ZNF536: variants seen among roughly 807,000 people sequenced by gnomAD.
The protein encoded by ZNF536 is zinc finger protein 536.
ZNF536 carries 13 observed loss-of-function variants against 84.5 expected under a neutral mutation model. The observed-to-expected ratio is 0.15, with a 90% CI of 0.10 to 0.24. The LOEUF is 0.24. Ranked by LOEUF, ZNF536 falls within the 10% of genes least tolerant of loss-of-function variation. The pLI, the probability that ZNF536 is intolerant of heterozygous loss-of-function variation, is 1.00. For synonymous variants in ZNF536, 811 were observed against 742.5 expected (o/e 1.09, Z -1.50); for missense variants, 1,536 against 1,747.5 (o/e 0.88, Z 2.16).
intron 1 of ZNF536, among the ~76,000 whole-genome samples, chr19:30,664,227 TC>T: frequency 7.7e-6 from 1 of 129,160 alleles, no homozygotes; most frequent in African/African-American, 2.9e-5. Context: ...TCTCTCTCTC[TC>T]TCTCTCTCTC....
intron 1 of ZNF536, among the ~76,000 whole-genome samples, chr19:30,710,265 T>C (rs2052410015): frequency 6.6e-6 from 1 of 152,174 alleles, no homozygotes; most frequent in African/African-American, 2.4e-5. Context: ...AGCTAGAGCC[T>C]GGTGTGGTGG....
intron 2 of ZNF536, among the ~76,000 whole-genome samples, chr19:30,298,170 G>T (rs914534546): frequency 6.6e-6 from 1 of 152,096 alleles, no homozygotes; most frequent in Non-Finnish European, 1.5e-5. Flanking sequence ...GAGCCACCTC[G>T]CCTGGCCTCA....
intron 3 of ZNF536, among the ~76,000 whole-genome samples, chr19:30,361,789 G>GCCTGGCAAGGCAGGCGT (rs1476675525): frequency 7.3e-6 from 1 of 136,244 alleles, no homozygotes; most frequent in Non-Finnish European, 1.5e-5. Context: ...CCTGCGGGCG[G>GCCTGGCAAGGCAGGCGT]CCTGGCAAGG....
At chr19:30,355,321 A>C (rs1254043882) in intron 3 of ZNF536, among the ~76,000 whole-genome samples, 1 of 152,132 alleles carries the variant, frequency 6.6e-6, no homozygotes, top group Admixed American at 6.5e-5. Context: ...CAACTGAGTG[A>C]GAACTCACTC....
intron 3 of ZNF536, among the ~76,000 whole-genome samples, chr19:30,359,757 C>T (rs1208773003): frequency 6.6e-6 from 1 of 152,174 alleles, no homozygotes; most frequent in Non-Finnish European, 1.5e-5. Context: ...GAGTCTGATT[C>T]TGCCCTCACG....
intron 2 of ZNF536, chr19:30,300,618 C>G (rs985851674): frequency 2.0e-5 from 3 of 152,262 alleles, no homozygotes; most frequent in African/African-American, 7.2e-5. Context: ...TAGTTTGCCA[C>G]TATAAACTGC....
rs138224679 is a variant in ZNF536 at position 30,361,945 on chromosome 19, G to A, written c.-3+9461G>A. On this transcript the variant is annotated intron_variant, in intron 3 of 5. Transcript: ENST00000585628. ...TTCAGAGGTCGAGAGCTGTGAGGCC[G>A]TGCATTAGGTCAGCTTTGCAAATAG... 1.1e-3 allele frequency among the ~76,000 whole-genome samples: 170 copies of A among 152,258 alleles called. 1 individual carries two copies. The highest frequency in any genetic ancestry group is 1.6e-3 in the Non-Finnish European group (109 of 68,026).
At chr19:30,250,449 G>A (rs958351397) in intron 1 of ZNF536, among the ~76,000 whole-genome samples, 5 of 152,152 alleles carry the variant, frequency 3.3e-5, no homozygotes, top group African/African-American at 9.7e-5. Flanking sequence ...GTGTGATTTC[G>A]GGTGTTGGGG....
At chr19:30,534,693 A>G (rs1354264877) in intron 2 of ZNF536, among the ~76,000 whole-genome samples, 154 bp from the exon 3 acceptor site, 1 of 152,240 alleles carries the variant, frequency 6.6e-6, no homozygotes, top group East Asian at 1.9e-4. Context: ...ATAACAAGAA[A>G]ATACATGAAT....
intron 2 of ZNF536, among the ~76,000 whole-genome samples, chr19:30,291,621 T>A (rs2145805859): frequency 6.6e-6 from 1 of 152,374 alleles, no homozygotes; most frequent in East Asian, 1.9e-4. Context: ...TTGCGGGATC[T>A]ATGGTAATTC....
At chr19:30,518,205 C>T (rs78104793) in intron 2 of ZNF536, among the ~76,000 whole-genome samples, 8,500 of 152,210 alleles carry the variant, frequency 0.056, 434 homozygotes, top group African/African-American at 0.13. Context: ...CTGTTGCAGG[C>T]GAAGGGGCAG....
intron 1 of ZNF536, among the ~76,000 whole-genome samples, chr19:30,270,890 T>C (rs905382014): frequency 3.3e-5 from 5 of 152,156 alleles, no homozygotes; most frequent in Non-Finnish European, 7.4e-5. Context: ...CATTACAATG[T>C]TTGTTAATGT....
chr19:30,546,595 T>C (rs1438183601), intron 3 of ZNF536, among the ~76,000 whole-genome samples: 2 of 152,206 alleles, frequency 1.3e-5, no homozygotes, highest in African/African-American at 4.8e-5. Context: ...CTGGGACTCA[T>C]GCCTTCCGCT....
At chr19:30,611,920 C>T (rs975380295) in intron 1 of ZNF536, among the ~76,000 whole-genome samples, 3 of 152,150 alleles carry the variant, frequency 2.0e-5, no homozygotes, top group African/African-American at 2.4e-5. Context: ...ATCTCTTAAG[C>T]GTGGATCAGT....
intron 2 of ZNF536, among the ~76,000 whole-genome samples, chr19:30,314,991 G>A (rs1002343796): frequency 2.6e-5 from 4 of 152,006 alleles, no homozygotes; most frequent in Non-Finnish European, 2.9e-5. Flanking sequence ...GTGGCCCACC[G>A]GGTCCTCCTC....
intron 1 of ZNF536, among the ~76,000 whole-genome samples, chr19:30,655,001 C>A (rs1713305568): frequency 6.6e-6 from 1 of 152,220 alleles, no homozygotes; most frequent in Non-Finnish European, 1.5e-5. Context: ...GCACAGTGAA[C>A]AAGTGAGGAG....
intron 1 of ZNF536, among the ~76,000 whole-genome samples, chr19:30,700,061 G>A (rs184622071): frequency 4.9e-5 from 5 of 102,086 alleles, no homozygotes; most frequent in South Asian, 3.1e-4. Flanking sequence ...CCCTCCCTCC[G>A]CCTCCCTCCT....
chr19:30,663,978 G>T (rs1422093888), intron 1 of ZNF536, among the ~76,000 whole-genome samples: 1 of 151,998 alleles, frequency 6.6e-6, no homozygotes, highest in Non-Finnish European at 1.5e-5. Flanking sequence ...GCTGTCTCTG[G>T]CTGCCAATTT....
chr19:30,416,159 C>T (rs965646500), intron 1 of ZNF536, among the ~76,000 whole-genome samples: 1 of 152,150 alleles, frequency 6.6e-6, no homozygotes, highest in Non-Finnish European at 1.5e-5. Flanking sequence ...GAATTTCCAA[C>T]ACTTTTTTGT....
Sources: allele counts gnomAD v4.1 joint callset (sites outside exome capture counted in the v4.1 genomes callset), GRCh38; gene constraint gnomAD v4.1.1; transcripts MANE v1.5; gene names NCBI Gene and HGNC (gene_info 2026-07-23, HGNC 2026-07-21).